Variants in CLASP1 observed in about 807,000 individuals in gnomAD.
The protein encoded by CLASP1 is cytoplasmic linker associated protein 1.
CLASP1 carries 38 observed loss-of-function variants against 192.3 expected under a neutral mutation model. The ratio of observed to expected loss-of-function variants is 0.20; its 90% CI spans 0.15 to 0.26. The LOEUF is 0.26. Among genes scored for constraint, CLASP1 ranks in the 10% least tolerant of loss-of-function variants. The pLI, the probability that CLASP1 is intolerant of heterozygous loss-of-function variation, is 1.00. For missense variants in CLASP1, 1,433 were observed against 1,932.5 expected (o/e 0.74, Z 4.85); for synonymous variants, 691 against 712.8 (o/e 0.97, Z 0.49).
At chr2:121,627,677 G>A (rs2068646878) in intron 1 of CLASP1, among the ~76,000 whole-genome samples, 1 of 152,200 alleles carries the variant, frequency 6.6e-6, no homozygotes, top group Non-Finnish European at 1.5e-5. Flanking sequence ...ATACTCCTCA[G>A]TATGAATCTG....
intron 2 of CLASP1, among the ~76,000 whole-genome samples, chr2:121,545,348 T>C (rs1187728312): frequency 6.6e-6 from 1 of 152,154 alleles, no homozygotes; most frequent in Admixed American, 6.5e-5. Context: ...TTTTCTTTTA[T>C]TTGTTTGGTT....
chr2:121,424,555 G>A (rs1341289166), intron 22 of CLASP1, among the ~76,000 whole-genome samples: 5 of 152,052 alleles, frequency 3.3e-5, no homozygotes, highest in Non-Finnish European at 4.4e-5. Context: ...GTATTTAAGC[G>A]GCTGACAGTA....
chr2:121,538,863 G>T (rs1294378195), intron 2 of CLASP1, among the ~76,000 whole-genome samples: 1 of 150,668 alleles, frequency 6.6e-6, no homozygotes. Context: ...CAATATATAT[G>T]AAAAAAATTA....
At chr2:121,589,549 G>C (rs919586035) in intron 2 of CLASP1, among the ~76,000 whole-genome samples, 2 of 150,682 alleles carry the variant, frequency 1.3e-5, no homozygotes, top group Admixed American at 1.3e-4. Flanking sequence ...AGAATTGCTT[G>C]AACCTAGGAG....
rs192719655 is a variant in CLASP1 at position 121,370,958 on chromosome 2, T to C, written c.3643-3127A>G. 2.1e-3 allele frequency among the ~76,000 whole-genome samples: 326 copies of C among 152,282 alleles called. 1 individual carries two copies. The highest frequency in any genetic ancestry group is 7.3e-3 in the African/African-American group (304 of 41,556). On this transcript the variant is annotated intron_variant, in intron 34 of 39. Transcript: ENST00000263710. ...AGAACATCATCCACAGGAGGAATCATTGAGAAGCCACAACTCACACAGGAA... is the reference window on the plus strand; with the variant it reads ...AGAACATCATCCACAGGAGGAATCACTGAGAAGCCACAACTCACACAGGAA...
intron 32 of CLASP1, 63 bp from the exon 34 acceptor site, chr2:121,382,387 G>A (rs1181014084): frequency 2.1e-6 from 2 of 968,066 alleles, no homozygotes; most frequent in South Asian, 1.7e-5. Flanking sequence ...GAGGGGAGGA[G>A]GAAAGCACTA....
At chr2:121,447,393 C>T (rs1337033275) in exon 19 of CLASP1, 1 of 1,581,474 alleles carries the variant, frequency 6.3e-7, no homozygotes, top group Admixed American at 1.8e-5. Context: ...AGGCGTCGTG[C>T]CCGAAGATGA....
chr2:121,430,428 C>T (rs537698052), intron 19 of CLASP1, among the ~76,000 whole-genome samples: 78 of 152,388 alleles, frequency 5.1e-4, no homozygotes, highest in African/African-American at 1.8e-3. Flanking sequence ...CATGGACCTG[C>T]AGCTGTTTAG....
At chr2:121,647,329 T>C (rs1427681580) in intron 1 of CLASP1, among the ~76,000 whole-genome samples, 2 of 152,050 alleles carry the variant, frequency 1.3e-5, no homozygotes, top group Non-Finnish European at 2.9e-5. Flanking sequence ...GATTGCACCA[T>C]TGCACTTCAG....
intron 10 of CLASP1, 101 bp downstream of exon 10, chr2:121,462,431 A>C (rs919785111): frequency 3.0e-6 from 2 of 661,198 alleles, no homozygotes; most frequent in Non-Finnish European, 2.6e-6. Context: ...AGTTAAAATT[A>C]CCTGACCTAG....
chr2:121,546,503 T>G (rs1171568891), intron 2 of CLASP1, among the ~76,000 whole-genome samples: 1 of 151,858 alleles, frequency 6.6e-6, no homozygotes, highest in African/African-American at 2.4e-5. Context: ...GGTGGCCCAC[T>G]TGGGAGTGAA....
At chr2:121,516,965 A>C (rs1461510802) in intron 6 of CLASP1, among the ~76,000 whole-genome samples, 1 of 152,256 alleles carries the variant, frequency 6.6e-6, no homozygotes, top group Non-Finnish European at 1.5e-5. Context: ...CGGAGTTTGC[A>C]GTAAGCTGAG....
At chr2:121,417,049 T>G (rs1189638660) in intron 23 of CLASP1, among the ~76,000 whole-genome samples, 2 of 152,212 alleles carry the variant, frequency 1.3e-5, no homozygotes, top group Non-Finnish European at 2.9e-5. Context: ...ACAGAAGACG[T>G]GCTGATGCTA....
At chr2:121,527,944 T>C (rs1043822890) in intron 4 of CLASP1, 54 bp from the exon 5 acceptor site, 2 of 1,421,012 alleles carry the variant, frequency 1.4e-6, no homozygotes, top group Non-Finnish European at 2.0e-6. Flanking sequence ...CAGCTGACAC[T>C]TTATAAGGGA....
intron 16 of CLASP1, among the ~76,000 whole-genome samples, chr2:121,450,373 C>T (rs1316785356): frequency 6.6e-6 from 1 of 151,994 alleles, no homozygotes; most frequent in Non-Finnish European, 1.5e-5. Context: ...AATACAGAGG[C>T]CATGGCCACA....
intron 39 of CLASP1, among the ~76,000 whole-genome samples, chr2:121,341,806 AC>A (rs2149080210): frequency 6.6e-6 from 1 of 152,336 alleles, no homozygotes; most frequent in East Asian, 1.9e-4. Flanking sequence ...AAACTCAACA[AC>A]AGAACACACA....
chr2:121,387,678 G>T, intron 31 of CLASP1, 85 bp downstream of exon 32: 3 of 1,321,834 alleles, frequency 2.3e-6, no homozygotes, highest in East Asian at 4.7e-5. Flanking sequence ...AGGAAACGGG[G>T]TATTCTATTA....
chr2:121,611,463 G>C (rs1316340400), intron 1 of CLASP1, among the ~76,000 whole-genome samples: 2 of 141,544 alleles, frequency 1.4e-5, no homozygotes, highest in African/African-American at 2.7e-5. Flanking sequence ...AGGAGGAAGA[G>C]GAACTGGAGG....
At chr2:121,603,365 C>T (rs1455307335) in intron 2 of CLASP1, among the ~76,000 whole-genome samples, 1 of 151,848 alleles carries the variant, frequency 6.6e-6, no homozygotes, top group East Asian at 1.9e-4. Context: ...AAATCAAAAC[C>T]ACAATGAGGT....
Sources: allele counts gnomAD v4.1 joint callset (sites outside exome capture counted in the v4.1 genomes callset), GRCh38; gene constraint gnomAD v4.1.1; transcripts MANE v1.5; gene names NCBI Gene and HGNC (gene_info 2026-07-23, HGNC 2026-07-21).